DCDC1: variants seen among roughly 807,000 people sequenced by gnomAD.
DCDC1 encodes doublecortin domain containing 1.
Under a neutral mutation model 178.3 loss-of-function variants are expected in DCDC1, and 200 were observed. That is an observed-to-expected ratio of 1.12 (90% CI 1.00 to 1.26). The LOEUF (loss-of-function observed/expected upper bound fraction) is 1.26. DCDC1 is among the 50% of genes most tolerant of loss of function. DCDC1 has a pLI of 0.00. For synonymous variants in DCDC1, 690 were observed against 604.8 expected, an observed-to-expected ratio of 1.14 and a Z score of -2.07; for missense variants, 1,983 against 1,749.2, an observed-to-expected ratio of 1.13 and a Z score of -2.38.
intron 36 of DCDC1, 96 bp downstream of exon 36, chr11:30,892,722 T>C: frequency 1.4e-6 from 2 of 1,413,600 alleles, no homozygotes; most frequent in South Asian, 2.5e-5. Context: ...GAAAATGAGG[T>C]TCATAGAAGT....
At position 30,909,071 on chromosome 11, in the gene DCDC1, A is replaced by C. The variant is rs904402353; in HGVS notation, c.3793T>G (p.Tyr1265Asp). Reference protein sequence around the residue: ...NNGAANQKWHYMKNIKALVAF... With the variant: ...NNGAANQKWHDMKNIKALVAF... ...ACAAGTGCTTTTATATTTTTCATGT[A>C]ATGCCACTTTTGATTGGCAGCTCCA... Residue 1265 changes from tyrosine to aspartate, a missense_variant, in exon 29 of 39, where the codon TAC becomes GAC. Tyr to Asp is a radical substitution (Grantham distance 160). Coordinates refer to ENST00000684477, the MANE Select transcript of DCDC1 (RefSeq NM_001387274.1). 8.1e-6 allele frequency: 13 copies of C among 1,611,546 alleles called. No individual in the cohort carries two copies. Among genetic ancestry groups the C allele is most frequent in the South Asian group, 1.1e-5 (1 of 90,794 alleles).
chr11:31,329,671 T>G (rs914892337), intron 2 of DCDC1, among the ~76,000 whole-genome samples: 1 of 152,176 alleles, frequency 6.6e-6, no homozygotes, highest in African/African-American at 2.4e-5. Context: ...GTCCTTGTGA[T>G]AGTTTGCTCA....
chr11:31,340,920 C>T (rs531489347), intron 1 of DCDC1, among the ~76,000 whole-genome samples: 32 of 152,064 alleles, frequency 2.1e-4, no homozygotes, highest in African/African-American at 4.8e-4. Context: ...GAAAACAAGG[C>T]GGAAGAGAAA....
At chr11:31,224,539 G>T (rs1974676059) in intron 9 of DCDC1, among the ~76,000 whole-genome samples, 1 of 151,936 alleles carries the variant, frequency 6.6e-6, no homozygotes, top group Non-Finnish European at 1.5e-5. Flanking sequence ...CTTCTACACA[G>T]CAAAAGAAAC....
At chr11:31,097,288 T>C (rs941596295) in intron 15 of DCDC1, among the ~76,000 whole-genome samples, 5 of 152,230 alleles carry the variant, frequency 3.3e-5, no homozygotes, top group Admixed American at 6.5e-5. Context: ...GAACCACTTA[T>C]GATCTTCTCT....
At chr11:31,077,755 C>T (rs2135558869) in intron 18 of DCDC1, 110 bp downstream of exon 18, 1 of 606,950 alleles carries the variant, frequency 1.6e-6, no homozygotes, top group East Asian at 2.8e-5. Flanking sequence ...AGAGTGAAGT[C>T]ATATATGCAG....
chr11:31,049,057 GAC>G (rs751217103), intron 20 of DCDC1, among the ~76,000 whole-genome samples: 27 of 152,308 alleles, frequency 1.8e-4, no homozygotes, highest in Non-Finnish European at 2.9e-4. Flanking sequence ...GTAATTCTGA[GAC>G]ACGGCCTATG....
chr11:31,097,522 T>A (rs1394514276), intron 15 of DCDC1, among the ~76,000 whole-genome samples: 1 of 152,238 alleles, frequency 6.6e-6, no homozygotes, highest in Non-Finnish European at 1.5e-5. Flanking sequence ...CCTCATGTAA[T>A]TTCTGTTCTC....
chr11:31,148,272 C>T (rs890070607), intron 9 of DCDC1, among the ~76,000 whole-genome samples: 20 of 148,992 alleles, frequency 1.3e-4, no homozygotes, highest in African/African-American at 4.7e-4. Flanking sequence ...TAAGGCCGGG[C>T]GCCGTGGCTC....
chr11:30,945,855 G>A (rs1008375577), intron 21 of DCDC1, among the ~76,000 whole-genome samples: 1 of 151,938 alleles, frequency 6.6e-6, no homozygotes, highest in African/African-American at 2.4e-5. Flanking sequence ...TTCTTGTGAG[G>A]CAGCTCTGTT....
chr11:30,888,470 C>A (rs1943501373), intron 36 of DCDC1, among the ~76,000 whole-genome samples: 1 of 152,224 alleles, frequency 6.6e-6, no homozygotes, highest in Non-Finnish European at 1.5e-5. Flanking sequence ...GTAATCCCAG[C>A]ACTTTGGGAG....
At chr11:31,274,503 G>T (rs1410613657) in intron 7 of DCDC1, among the ~76,000 whole-genome samples, 1 of 151,986 alleles carries the variant, frequency 6.6e-6, no homozygotes, top group Non-Finnish European at 1.5e-5. Context: ...GAAACAAGTG[G>T]AGAATATTGA....
At chr11:31,103,981 A>C (rs1209764531) in intron 13 of DCDC1, among the ~76,000 whole-genome samples, 6 of 152,192 alleles carry the variant, frequency 3.9e-5, no homozygotes, top group African/African-American at 1.2e-4. Context: ...ATGCCAAAAT[A>C]GTTTCAACAT....
At chr11:30,882,455 T>A (rs917037874) in intron 36 of DCDC1, 2 of 151,982 alleles carry the variant, frequency 1.3e-5, no homozygotes, top group Admixed American at 6.6e-5. Context: ...TATATTTTTT[T>A]ATCATACTTT....
chr11:31,273,634 T>C (rs1945748781), intron 7 of DCDC1, among the ~76,000 whole-genome samples: 1 of 152,192 alleles, frequency 6.6e-6, no homozygotes, highest in African/African-American at 2.4e-5. Flanking sequence ...TTTTGAGCTC[T>C]CCAAACTGTT....
At chr11:30,926,869 G>T (rs1259029975) in intron 22 of DCDC1, among the ~76,000 whole-genome samples, 1 of 152,090 alleles carries the variant, frequency 6.6e-6, no homozygotes, top group African/African-American at 2.4e-5. Context: ...GGTCAAGATA[G>T]GAGGACCACT....
chr11:31,289,890 G>A lies in DCDC1; in HGVS notation c.960+757C>T, dbSNP rs111585923. Among the ~76,000 whole-genome samples the A allele has an allele frequency of 4.4e-3, 664 of 151,948 alleles. 8 individuals carry two copies. The highest frequency in any genetic ancestry group is 0.015 in the African/African-American group (614 of 41,502). On this transcript the variant is annotated intron_variant, in intron 7 of 38. Transcript: ENST00000684477. ...GTGAAGCCAAGATTCAACCCTAGGCGTTTGGTTATGTTTTACTGTCTCTCA... is the reference window on the plus strand; with the variant it reads ...GTGAAGCCAAGATTCAACCCTAGGCATTTGGTTATGTTTTACTGTCTCTCA...
chr11:30,867,131 G>A (rs781544279), intron 38 of DCDC1, among the ~76,000 whole-genome samples: 2 of 152,088 alleles, frequency 1.3e-5, no homozygotes, highest in Admixed American at 6.6e-5. Context: ...CCAAATAAGC[G>A]GCAACTAAAC....
intron 21 of DCDC1, chr11:30,943,769 A>C (rs1015381324): frequency 2.6e-5 from 9 of 347,330 alleles, no homozygotes; most frequent in African/African-American, 1.9e-4. Flanking sequence ...AGATATATTA[A>C]ATGCTGTTTG....
Sources: allele counts gnomAD v4.1 joint callset (sites outside exome capture counted in the v4.1 genomes callset), GRCh38; gene constraint gnomAD v4.1.1; transcripts MANE v1.5; gene names NCBI Gene and HGNC (gene_info 2026-07-23, HGNC 2026-07-21).